Variants in XRRA1 observed in about 807,000 individuals in gnomAD.
The protein encoded by XRRA1 is X-ray radiation resistance associated 1, also known as X-ray radiation resistance-associated protein 1.
A neutral mutation model predicts 80.2 loss-of-function variants in XRRA1; 69 were observed. That is an observed-to-expected ratio of 0.86 (90% CI 0.71 to 1.05). The LOEUF (loss-of-function observed/expected upper bound fraction) is 1.05, where lower values mean the gene tolerates loss of function less well. Ranked by LOEUF, XRRA1 falls within the 50% of genes least tolerant of loss-of-function variation. The pLI, the probability that XRRA1 is intolerant of heterozygous loss-of-function variation, is 0.00. For synonymous variants in XRRA1, 348 were observed against 389.9 expected, an observed-to-expected ratio of 0.89 and a Z score of 1.27; for missense variants, 967 against 976.4, an observed-to-expected ratio of 0.99 and a Z score of 0.13.
chr11:74,880,130 C>T (rs1448424410), intron 10 of XRRA1, among the ~76,000 whole-genome samples: 1 of 152,034 alleles, frequency 6.6e-6, no homozygotes. Context: ...TTGATTATTG[C>T]CACAATTTCA....
chr11:74,936,365 C>G (rs1160792196), intron 4 of XRRA1, among the ~76,000 whole-genome samples: 1 of 152,222 alleles, frequency 6.6e-6, no homozygotes, highest in Admixed American at 6.5e-5. Flanking sequence ...TGTGGGAGAG[C>G]AGGACCCAGT....
chr11:74,947,849 C>A (rs113194291), intron 1 of XRRA1, among the ~76,000 whole-genome samples: 2 of 152,248 alleles, frequency 1.3e-5, no homozygotes, highest in African/African-American at 4.8e-5. Context: ...CTCAGCCTCC[C>A]AAGTAGCTGG....
intron 10 of XRRA1, among the ~76,000 whole-genome samples, chr11:74,865,270 T>G (rs992679877): frequency 2.0e-5 from 3 of 152,114 alleles, no homozygotes; most frequent in Non-Finnish European, 4.4e-5. Context: ...AGCCTCTACC[T>G]CACAGCAGAT....
intron 10 of XRRA1, among the ~76,000 whole-genome samples, chr11:74,866,917 G>A (rs566441082): frequency 1.3e-5 from 2 of 152,264 alleles, no homozygotes; most frequent in African/African-American, 4.8e-5. Flanking sequence ...GACAAAAGGG[G>A]TAGAAAGCTT....
chr11:74,944,354 G>GCA (rs566328629), intron 2 of XRRA1, among the ~76,000 whole-genome samples: 2 of 152,184 alleles, frequency 1.3e-5, no homozygotes, highest in South Asian at 4.1e-4. Context: ...TGCTACACAC[G>GCA]CACACACACA....
intron 10 of XRRA1, among the ~76,000 whole-genome samples, chr11:74,872,482 G>C (rs1186172785): frequency 6.6e-6 from 1 of 152,180 alleles, no homozygotes; most frequent in African/African-American, 2.4e-5. Context: ...GAAGGCAGAG[G>C]CTCTAGTAGC....
chr11:74,849,951 C>T (rs1279746779), intron 14 of XRRA1, among the ~76,000 whole-genome samples: 1 of 152,200 alleles, frequency 6.6e-6, no homozygotes, highest in Non-Finnish European at 1.5e-5. Context: ...TCTCTGTATG[C>T]ACAATGAGGA....
intron 8 of XRRA1, chr11:74,918,868 TAC>T (rs1939720190): frequency 6.6e-6 from 1 of 152,242 alleles, no homozygotes; most frequent in South Asian, 2.1e-4. Context: ...GCAATGGCAG[TAC>T]TAACCATGGT....
Position 74,843,257 on chromosome 11 carries a change from G to A in XRRA1, c.2346C>T (p.Phe782=), listed in dbSNP as rs765280052. 3.2e-6 allele frequency: 5 copies of A among 1,571,842 alleles called. No individual in the cohort carries two copies. Among genetic ancestry groups the A allele is most frequent in the South Asian group, 1.2e-5 (1 of 85,384 alleles). ...LSESQPKFGH[F]LEFMDEFCQE... ...GGCAGAACTCATCCATGAACTCGAG[G>A]AAGTGGCCGAACTTGGGCTGGCTCT... The change falls in exon 19 of 19, where the codon TTC becomes TTT. Residue 782 remains phenylalanine, a synonymous_variant. Coordinates refer to ENST00000684022, the MANE Select transcript of XRRA1 (RefSeq NM_001378157.1).
chr11:74,878,438 C>A lies in XRRA1; in HGVS notation c.1004-15417G>T, dbSNP rs1273096964. Among the ~76,000 whole-genome samples, 1,074 of 152,002 alleles carry A rather than the reference C, an allele frequency of 7.1e-3. 7 individuals are homozygous for A. The highest frequency in any genetic ancestry group is 0.011 in the Non-Finnish European group (739 of 67,868). ...TGCCTGTTCACTCTGATGGTAGTTT[C>A]TTTTGCTGTGCAGAAGCTCTTTAGT... On this transcript the variant is annotated intron_variant, in intron 10 of 18. Coordinates refer to ENST00000684022, the MANE Select transcript of XRRA1 (RefSeq NM_001378157.1).
chr11:74,891,250 T>C (rs2050615803), intron 10 of XRRA1, among the ~76,000 whole-genome samples: 1 of 152,184 alleles, frequency 6.6e-6, no homozygotes, highest in South Asian at 2.1e-4. Flanking sequence ...TGGTTCAACA[T>C]ATGCAAATCA....
At chr11:74,916,104 T>C (rs939573329) in intron 8 of XRRA1, among the ~76,000 whole-genome samples, 1 of 152,224 alleles carries the variant, frequency 6.6e-6, no homozygotes, top group South Asian at 2.1e-4. Flanking sequence ...CAAGATCCTC[T>C]GTCTTTTAAC....
chr11:74,914,695 T>C (rs558169782), intron 8 of XRRA1, among the ~76,000 whole-genome samples: 1 of 150,770 alleles, frequency 6.6e-6, no homozygotes, highest in African/African-American at 2.4e-5. Context: ...TTATGCCCTA[T>C]TCTGCAGATA....
chr11:74,889,471 G>A (rs376884569), intron 10 of XRRA1, among the ~76,000 whole-genome samples: 49 of 152,248 alleles, frequency 3.2e-4, no homozygotes, highest in South Asian at 1.7e-3. Context: ...AAAGACTATC[G>A]AGGCTAGGAA....
intron 18 of XRRA1, 175 bp downstream of exon 18, chr11:74,843,679 T>A (rs1251850134): frequency 1.2e-6 from 1 of 807,580 alleles, no homozygotes; most frequent in Non-Finnish European, 1.9e-6. Context: ...TGCTGTGTGA[T>A]TTTAGGCAAC....
chr11:74,897,874 C>G (rs2052724918), intron 10 of XRRA1, among the ~76,000 whole-genome samples: 1 of 152,106 alleles, frequency 6.6e-6, no homozygotes, highest in Non-Finnish European at 1.5e-5. Flanking sequence ...GGAAGTTCTT[C>G]AGTCTCAATA....
At chr11:74,877,956 A>G (rs2046465880) in intron 10 of XRRA1, among the ~76,000 whole-genome samples, 1 of 152,038 alleles carries the variant, frequency 6.6e-6, no homozygotes, top group Non-Finnish European at 1.5e-5. Context: ...AGCATGATTT[A>G]TAATCCTTTG....
chr11:74,937,637 G>A (rs950880778), intron 3 of XRRA1, among the ~76,000 whole-genome samples: 2 of 151,916 alleles, frequency 1.3e-5, no homozygotes, highest in African/African-American at 4.8e-5. Context: ...CATGTCTACT[G>A]TAGAAAGAAT....
chr11:74,848,290 A>G lies in XRRA1; in HGVS notation c.1553T>C (p.Leu518Pro), dbSNP rs1565219278. 6.2e-7 allele frequency: 1 copy of G among 1,613,382 alleles called. No individual in the cohort carries two copies. ...SVESEMPTEN[L>P]EGHSPSCRTF... ...CCGGCAAGACGGGGAATGGCCTTCC[A>G]GGTTCTCAGTGGGCATCTCTGACTC... Residue 518 changes from leucine (L) to proline (P), a missense_variant, in exon 15 of 19, where the codon CTG becomes CCG. Physicochemically the swap from Leu to Pro is moderately conservative, Grantham distance 98 (BLOSUM62 -3). Coordinates refer to ENST00000684022, the MANE Select transcript of XRRA1 (RefSeq NM_001378157.1).
Sources: gnomAD v4.1 joint callset for allele counts (sites outside exome capture counted in the v4.1 genomes callset) on GRCh38, gnomAD v4.1.1 for gene constraint, MANE v1.5 for transcripts, NCBI Gene and HGNC (gene_info 2026-07-23, HGNC 2026-07-21) for gene names.